Variants in CPT1A observed in about 807,000 individuals in gnomAD.
CPT1A encodes carnitine palmitoyltransferase 1A.
CPT1A carries 64 observed loss-of-function variants against 100.8 expected under a neutral mutation model. The ratio of observed to expected loss-of-function variants is 0.63; its 90% CI spans 0.52 to 0.78. The LOEUF (loss-of-function observed/expected upper bound fraction) is 0.78. Among genes scored for constraint, CPT1A ranks in the 30% least tolerant of loss-of-function variants. CPT1A has a pLI of 0.00. For synonymous variants in CPT1A, 363 were observed against 396.0 expected (o/e 0.92, Z 0.99); for missense variants, 802 against 1,034.1 (o/e 0.78, Z 3.08).
chr11:68,808,933 C>A (rs1856122195), intron 3 of CPT1A, among the ~76,000 whole-genome samples: 2 of 144,834 alleles, frequency 1.4e-5, no homozygotes, highest in East Asian at 4.1e-4. Flanking sequence ...TGGCAAAACC[C>A]CATCAATACA....
intron 1 of CPT1A, among the ~76,000 whole-genome samples, chr11:68,828,243 G>A (rs559068830): frequency 8.1e-4 from 123 of 152,288 alleles, no homozygotes; most frequent in Non-Finnish European, 1.2e-3. Flanking sequence ...TTCCCAAGGC[G>A]TCTGAGTGCC....
At position 68,779,540 on chromosome 11, in the gene CPT1A, A is replaced by C. The variant is rs138199443; in HGVS notation, c.1458+1100T>G. 6.7e-3 allele frequency among the ~76,000 whole-genome samples: 991 copies of C among 147,318 alleles called. 13 individuals are homozygous for C. Among genetic ancestry groups the C allele is most frequent in the African/African-American group, 0.023 (927 of 40,522 alleles). The stretch of plus-strand genomic sequence containing the variant: ...GCTGAGTGTGGTGGCTCCCATCTGT[A>C]ATCCCAGCACTTTGGGAGGCCCAGG... On this transcript the variant is annotated intron_variant, in intron 12 of 18. Coordinates refer to ENST00000265641, the MANE Select transcript of CPT1A (RefSeq NM_001876.4).
chr11:68,805,944 C>G (rs545776543), intron 4 of CPT1A, among the ~76,000 whole-genome samples: 236 of 152,234 alleles, frequency 1.6e-3, no homozygotes, highest in Admixed American at 6.2e-3. Flanking sequence ...CCCAGCCCCC[C>G]AGACGGAGGC....
At chr11:68,817,738 A>T in intron 1 of CPT1A, among the ~76,000 whole-genome samples, 1 of 68,556 alleles carries the variant, frequency 1.5e-5, no homozygotes, top group African/African-American at 6.5e-5. Flanking sequence ...CTGGGGGTCA[A>T]GGACAGGCTG....
Position 68,825,006 on chromosome 11 carries a change from C to A in CPT1A, c.-13-9519G>T, listed in dbSNP as rs1191754584. ...TATAGCCCAGATTACACCGTGTTGG[C>A]CAGGCTGGTCTTGAACTCCTGACCT... On this transcript the variant is annotated intron_variant, in intron 1 of 18. Transcript: ENST00000265641. Among the ~76,000 whole-genome samples the A allele has an allele frequency of 7.2e-5, 11 of 152,182 alleles. No homozygotes were observed. In the East Asian group the frequency reaches 2.1e-3, roughly 29 times the overall value.
intron 2 of CPT1A, among the ~76,000 whole-genome samples, chr11:68,814,862 T>G (rs1856339305): frequency 6.6e-6 from 1 of 151,858 alleles, no homozygotes; most frequent in Non-Finnish European, 1.5e-5. Context: ...AATTTTTCTA[T>G]TTTTTGTAGA....
chr11:68,817,344 C>T (rs1270540948), intron 1 of CPT1A, among the ~76,000 whole-genome samples: 4 of 152,144 alleles, frequency 2.6e-5, no homozygotes, highest in East Asian at 1.9e-4. Flanking sequence ...CAGAACCATC[C>T]GCTGGCAGGC....
At chr11:68,809,398 C>A (rs1355579720) in intron 3 of CPT1A, among the ~76,000 whole-genome samples, 2 of 152,166 alleles carry the variant, frequency 1.3e-5, no homozygotes, top group African/African-American at 4.8e-5. Context: ...AGATAAAAAA[C>A]GTTAGCAAAA....
chr11:68,776,780 A>T (rs1855152784), intron 12 of CPT1A, among the ~76,000 whole-genome samples: 2 of 151,704 alleles, frequency 1.3e-5, no homozygotes, highest in African/African-American at 4.8e-5. Flanking sequence ...TCGGGAGGCT[A>T]AGCAGTGACT....
At chr11:68,759,258 A>T (rs1281828312) in intron 18 of CPT1A, among the ~76,000 whole-genome samples, 1 of 151,658 alleles carries the variant, frequency 6.6e-6, no homozygotes, top group East Asian at 1.9e-4. Flanking sequence ...TAGCCGGGGT[A>T]GTGGCGGGTG....
chr11:68,796,793 T>C (rs1433768008), intron 7 of CPT1A, 63 bp downstream of exon 7: 2 of 1,529,784 alleles, frequency 1.3e-6, no homozygotes, highest in Non-Finnish European at 9.0e-7. Flanking sequence ...AGACGCCACC[T>C]CTGTGGACAG....
In CPT1A at chr11:68,826,733, CAAAAAA is replaced by C. The variant is rs5792453; in HGVS notation, c.-13-11252_-13-11247del. 2.8e-5 allele frequency among the ~76,000 whole-genome samples: 4 copies of C among 142,442 alleles called. No individual in the cohort carries two copies. The Admixed American group carries it at 2.8e-4, about 10-fold the overall frequency. The allele number at this position is 142,442 out of a possible 152,430, so 93.4% of individuals were successfully genotyped here. A position where few individuals can be genotyped will look rare whatever the true frequency, so the allele number is the denominator to read the frequency against. ...TGGGTGAGAGAGTGAGACTCCCTGT[CAAAAAA>C]AAAAAAAGAAAACCAACCTGGCCCT... On this transcript the variant is annotated intron_variant, in intron 1 of 18. Coordinates refer to ENST00000265641, the MANE Select transcript of CPT1A (RefSeq NM_001876.4).
chr11:68,763,838 T>G lies in CPT1A; in HGVS notation c.1741-1077A>C, dbSNP rs111493216. ...TTTTTTTCCAGCTAGGCTGGTGCCTTGGGAACAGAATCACAGCAGCTGGAG... is the reference window on the plus strand; with the variant it reads ...TTTTTTTCCAGCTAGGCTGGTGCCTGGGGAACAGAATCACAGCAGCTGGAG... On this transcript the variant is annotated intron_variant, in intron 14 of 18. Transcript: ENST00000265641. 3.0e-4 allele frequency among the ~76,000 whole-genome samples: 45 copies of G among 152,152 alleles called. 1 individual carries two copies. The Middle Eastern group carries it at 0.01, about 35-fold the overall frequency.
At chr11:68,803,619 G>A (rs1056245375) in intron 5 of CPT1A, among the ~76,000 whole-genome samples, 1 of 151,918 alleles carries the variant, frequency 6.6e-6, no homozygotes, top group East Asian at 1.9e-4. Flanking sequence ...GCTGGGGCAG[G>A]AGAATCACTT....
At chr11:68,773,606 G>A (rs1387950439) in intron 13 of CPT1A, 177 bp from the exon 14 acceptor site, 6 of 1,145,362 alleles carry the variant, frequency 5.2e-6, no homozygotes, top group Non-Finnish European at 2.4e-6. Flanking sequence ...CCCTGACCCC[G>A]GAGGAGCAGC....
chr11:68,824,062 C>T (rs1046241956), intron 1 of CPT1A, among the ~76,000 whole-genome samples: 1 of 151,858 alleles, frequency 6.6e-6, no homozygotes, highest in Admixed American at 6.6e-5. Flanking sequence ...GCCTGGACAA[C>T]ATGGTGAAAC....
chr11:68,796,598 C>T (rs975562511), intron 7 of CPT1A, among the ~76,000 whole-genome samples: 9 of 152,148 alleles, frequency 5.9e-5, no homozygotes, highest in Non-Finnish European at 1.2e-4. Flanking sequence ...AGGTACAGCA[C>T]AGTGAGGAAT....
rs766740806 is a variant in CPT1A, at chr11:68,757,687, T to C, written c.2279A>G (p.Asp760Gly). The part of the protein sequence containing the change: ...FGRHLKEAMT[D>G]IITLFGLSSN... Reference sequence around the variant, plus strand: ...ACTGAGACCAAACAAAGTGATGATGTCAGTCATTGCTTCTTTCAGGTGCCT... The same window carrying C: ...ACTGAGACCAAACAAAGTGATGATGCCAGTCATTGCTTCTTTCAGGTGCCT... The change falls in exon 19 of 19, where the codon GAC (aspartate) becomes GGC (glycine). Residue 760 changes from aspartate to glycine, a missense_variant. Asp to Gly is a moderately conservative substitution (Grantham distance 94, BLOSUM62 -1). Around this residue, in one of 4 missense-constraint regions of CPT1A, gnomAD observed 627 missense variants for 799.3 expected, o/e 0.78. Transcript: ENST00000265641. 6.2e-7 allele frequency: 1 copy of C among 1,614,188 alleles called. No homozygotes were observed. Among genetic ancestry groups the C allele is most frequent in the East Asian group, 2.2e-5 (1 of 44,888 alleles).
chr11:68,780,003 C>A (rs1333577030), intron 12 of CPT1A, among the ~76,000 whole-genome samples: 1 of 152,090 alleles, frequency 6.6e-6, no homozygotes, highest in Non-Finnish European at 1.5e-5. Context: ...ACTAGGAAAT[C>A]CAGCACATAA....
Sources: allele counts gnomAD v4.1 joint callset (sites outside exome capture counted in the v4.1 genomes callset), GRCh38; gene constraint gnomAD v4.1.1; regional missense constraint gnomAD v4.1.1; transcripts MANE v1.5; gene names NCBI Gene and HGNC (gene_info 2026-07-23, HGNC 2026-07-21).